PHRF1: variants seen among roughly 807,000 people sequenced by gnomAD.
The protein encoded by PHRF1 is PHD and RING finger domain-containing protein 1.
A neutral mutation model predicts 128.9 loss-of-function variants in PHRF1; 53 were observed. The ratio of observed to expected loss-of-function variants is 0.41; its 90% CI spans 0.33 to 0.52. PHRF1 has a LOEUF of 0.52. Ranked by LOEUF, PHRF1 falls within the 20% of genes least tolerant of loss-of-function variation. The probability of loss-of-function intolerance (pLI) is 0.21; values close to 1 mark genes in which losing one functional copy is unlikely to be tolerated. For missense variants in PHRF1, 2,503 were observed against 2,284.5 expected (o/e 1.10, Z -1.95); for synonymous variants, 1,178 against 980.6 (o/e 1.20, Z -3.76).
chr11:609,591 C>G lies in PHRF1; in HGVS notation c.4135C>G (p.Gln1379Glu), dbSNP rs118082193. 1.8e-5 allele frequency: 28 copies of G among 1,595,532 alleles called. No homozygotes were observed. In the East Asian group the frequency reaches 6.1e-4, roughly 35 times the overall value. The change falls in exon 14 of 18, where the codon CAG becomes GAG. Residue 1379 changes from glutamine to glutamate, a missense_variant. Coordinates refer to ENST00000264555, the MANE Select transcript of PHRF1 (RefSeq NM_001286581.2). The part of the protein sequence containing the change: ...EDSPSASGRV[Q>E]EAARPEEVVS... The stretch of plus-strand genomic sequence containing the variant: ...CAGCCCCTCTGCGAGTGGGAGGGTA[C>G]AGGAGGCAGCCCGGCCTGAGGAGGT...
chr11:598,666 G>T (rs1378048577), intron 9 of PHRF1, among the ~76,000 whole-genome samples, 164 bp downstream of exon 9: 2 of 152,356 alleles, frequency 1.3e-5, no homozygotes, highest in African/African-American at 4.8e-5. Context: ...GGCCCGGGAG[G>T]TGTGGGTCTG....
rs1235032111 is a variant in PHRF1, at chr11:605,639, C to G, written c.1369C>G (p.Leu457Val). Residue 457 changes from leucine to valine, a missense_variant, in exon 12 of 18, where the codon CTG (leucine) becomes GTG (valine). Coordinates refer to ENST00000264555, the MANE Select transcript of PHRF1 (RefSeq NM_001286581.2). ...GCTTTCTGCAAACCCTCTTTCCCCT[C>G]TGAGTGCCAAGAGACGGGCTCTGTC... Reference protein sequence around the residue: ...EELSANPLSPLSAKRRALSRS... With the variant: ...EELSANPLSPVSAKRRALSRS... The G allele has an allele frequency of 1.2e-6, 2 of 1,613,820 alleles. No individual in the cohort carries two copies. Among genetic ancestry groups the G allele is most frequent in the African/African-American group, 1.3e-5 (1 of 75,074 alleles).
chr11:584,154 C>T (rs1030111400), intron 3 of PHRF1, among the ~76,000 whole-genome samples: 7 of 152,216 alleles, frequency 4.6e-5, no homozygotes, highest in Non-Finnish European at 8.8e-5. Flanking sequence ...ACGTGCTCTG[C>T]GGGTCTGCTT....
At chr11:601,447 T>A (rs1409365385) in intron 9 of PHRF1, 127 bp from the exon 10 acceptor site, 196 of 1,117,402 alleles carry the variant, frequency 1.8e-4, no homozygotes, top group Middle Eastern at 2.9e-4. Flanking sequence ...AAAAAAAAAA[T>A]TGCAAGCCGG....
chr11:597,277 CCTGTGCACAGGTCAGCCCGAGCCA>C lies in PHRF1; in HGVS notation c.719-117_719-94del. 7.7e-7 allele frequency: 1 copy of C among 1,299,988 alleles called. No homozygotes were observed. Among genetic ancestry groups the C allele is most frequent in the Non-Finnish European group, 1.1e-6 (1 of 950,758 alleles). 80.5% of individuals were successfully genotyped at this position (1,299,988 alleles called of 1,614,324 possible). Reference sequence around the variant, plus strand: ...CCAGGCTCCATGAGCAGCCCTGGGTCCTGTGCACAGGTCAGCCCGAGCCAGGGCTGCTACTTGGCCGGCAGCCAC... The same window carrying C: ...CCAGGCTCCATGAGCAGCCCTGGGTCGGGCTGCTACTTGGCCGGCAGCCAC... On this transcript the variant is annotated intron_variant, in intron 7 of 17. Coordinates refer to ENST00000264555, the MANE Select transcript of PHRF1 (RefSeq NM_001286581.2). The surrounding 1 kb of genome is among the most constrained non-coding windows in gnomAD (Gnocchi z 6.5).
At chr11:590,901 C>T (rs1854931563) in intron 4 of PHRF1, among the ~76,000 whole-genome samples, 1 of 152,142 alleles carries the variant, frequency 6.6e-6, no homozygotes, top group Non-Finnish European at 1.5e-5. Context: ...CGGGGTTTCT[C>T]TGTGTCAGTC....
At position 583,079 on chromosome 11, in the gene PHRF1, G is replaced by C. The variant is rs1045827989; in HGVS notation, c.214+998G>C. On this transcript the variant is annotated intron_variant, in intron 3 of 17. Coordinates refer to ENST00000264555, the MANE Select transcript of PHRF1 (RefSeq NM_001286581.2). ...TGGCTGTCTGGGCGCGGTGGCTCAC[G>C]CCTGTAATCCCAGCACTTTGGGAGG... 7.9e-5 allele frequency among the ~76,000 whole-genome samples: 12 copies of C among 151,292 alleles called. No individual in the cohort carries two copies. In the Middle Eastern group the frequency reaches 0.014, roughly 173 times the overall value.
rs759154093 is a variant in PHRF1, at chr11:607,488, G to GTTCTTCTGGATACCCAA, written c.2032_2033insTTCTTCTGGATACCCAA (p.Glu678ValfsTer43). On this transcript the variant is annotated frameshift_variant, in exon 14 of 18. Transcript: ENST00000264555. LOFTEE classifies it high-confidence loss of function. ...AGCGCCCAGAAGAACAGACATCTCT[G>GTTCTTCTGGATACCCAA]AGCTACCCAGGATACCAAAGATCAG... 1.2e-6 allele frequency: 2 copies of GTTCTTCTGGATACCCAA among 1,612,880 alleles called. No homozygotes were observed. Among genetic ancestry groups the GTTCTTCTGGATACCCAA allele is most frequent in the Non-Finnish European group, 1.7e-6 (2 of 1,179,890 alleles).
chr11:586,837 A>G (rs191179401), intron 3 of PHRF1, among the ~76,000 whole-genome samples: 51 of 151,806 alleles, frequency 3.4e-4, no homozygotes, highest in Non-Finnish European at 5.9e-4. Flanking sequence ...TCATGCTTTG[A>G]GAAGGGGGCG....
At position 610,609 on chromosome 11, in the gene PHRF1, C is replaced by T. The variant is rs921118453; in HGVS notation, c.4525C>T (p.Leu1509=). Residue 1509 remains leucine (L), a synonymous_variant, in exon 16 of 18, where the codon CTA becomes TTA. Coordinates refer to ENST00000264555, the MANE Select transcript of PHRF1 (RefSeq NM_001286581.2). ...VQFILQGSLP[L]VGCGAAQTLA... ...GTTCATCCTTCAGGGGAGCCTGCCGCTAGTGGGCTGTGGGGCAGCACAGAC... is the reference window on the plus strand; with the variant it reads ...GTTCATCCTTCAGGGGAGCCTGCCGTTAGTGGGCTGTGGGGCAGCACAGAC... The T allele has an allele frequency of 4.4e-6, 7 of 1,606,306 alleles. No individual in the cohort carries two copies. Among genetic ancestry groups the T allele is most frequent in the Admixed American group, 3.3e-5 (2 of 59,976 alleles).
chr11:592,447 C>G, intron 5 of PHRF1, 112 bp from the exon 6 acceptor site: 2 of 1,076,038 alleles, frequency 1.9e-6, no homozygotes, highest in Non-Finnish European at 2.9e-6. Context: ...CTGTGGAGCC[C>G]AAATATGAAT....
chr11:592,755 G>T (rs1855056174), intron 6 of PHRF1, 81 bp downstream of exon 6: 2 of 1,458,648 alleles, frequency 1.4e-6, no homozygotes, highest in African/African-American at 1.4e-5. Context: ...GAGCCTCTTC[G>T]CTCTGTGAAG....
At chr11:587,842 C>G (rs1854670822) in intron 4 of PHRF1, among the ~76,000 whole-genome samples, 1 of 152,202 alleles carries the variant, frequency 6.6e-6, no homozygotes, top group Non-Finnish European at 1.5e-5. Context: ...ATACAGAAAA[C>G]ACCGGTACGA....
chr11:604,579 A>G (rs570043538), intron 10 of PHRF1, among the ~76,000 whole-genome samples: 8 of 152,252 alleles, frequency 5.3e-5, no homozygotes, highest in African/African-American at 9.6e-5. Context: ...CAGTGGTGCA[A>G]TCTTGGTTCA....
chr11:609,834 G>GC (rs1156715593), intron 14 of PHRF1, 114 bp downstream of exon 14: 45 of 718,184 alleles, frequency 6.3e-5, no homozygotes, highest in Non-Finnish European at 7.4e-5. Context: ...CGAGGACAGA[G>GC]CCCCCCGTGA....
intron 9 of PHRF1, 97 bp from the exon 10 acceptor site, chr11:601,477 C>A: frequency 1.3e-6 from 2 of 1,535,184 alleles, no homozygotes; most frequent in Admixed American, 4.2e-5. Context: ...TCCCGCTGTA[C>A]CGGCTCCTTG....
At chr11:587,612 T>G (rs1854648335) in intron 4 of PHRF1, 148 bp downstream of exon 4, 1 of 816,286 alleles carries the variant, frequency 1.2e-6, no homozygotes. Context: ...TGGCTTGGTC[T>G]TTGCTTTGTG....
In PHRF1 at chr11:582,315, A is replaced by ATG. The variant is rs1405386704; in HGVS notation, c.214+234_214+235insTG. 3.6e-5 allele frequency among the ~76,000 whole-genome samples: 5 copies of ATG among 139,154 alleles called. No individual in the cohort carries two copies. In the East Asian group the frequency reaches 1.0e-3, roughly 29 times the overall value. The allele number at this position is 139,154 out of a possible 152,430, so 91.3% of individuals were successfully genotyped here. On this transcript the variant is annotated intron_variant, in intron 3 of 17. Coordinates refer to ENST00000264555, the MANE Select transcript of PHRF1 (RefSeq NM_001286581.2). ...GGTGTCGCTCTGTTGCCCAGGCTGG[A>ATG]GTACAGTGGTGCCATCTCAGCTCAC...
Position 589,644 on chromosome 11 carries a change from G to A in PHRF1, c.421-1740G>A, listed in dbSNP as rs532913283. Among the ~76,000 whole-genome samples, 8 of 152,352 alleles carry A rather than the reference G, an allele frequency of 5.3e-5. No homozygotes were observed. The East Asian group carries it at 5.8e-4, about 11-fold the overall frequency. ...TCACAGCACACACACGATGCCGGAC[G>A]GAGTCAAGATCTCGGACTAGAAAGC... On this transcript the variant is annotated intron_variant, in intron 4 of 17. Coordinates refer to ENST00000264555, the MANE Select transcript of PHRF1 (RefSeq NM_001286581.2).
Sources: gnomAD v4.1 joint callset for allele counts (sites outside exome capture counted in the v4.1 genomes callset) on GRCh38, gnomAD v4.1.1 for gene constraint, Gnocchi (gnomAD v3.1) non-coding constraint, MANE v1.5 for transcripts, NCBI Gene and HGNC (gene_info 2026-07-23, HGNC 2026-07-21) for gene names.